The following XKR6 variants were observed in gnomAD, a reference collection of about 807,000 sequenced individuals.
XKR6 encodes the protein XK-related protein 6.
In XKR6, 22 loss-of-function variants were observed where a neutral mutation model predicts 56.7. The observed-to-expected ratio is 0.39, with a 90% CI of 0.28 to 0.55. XKR6 has a LOEUF of 0.55. Among genes scored for constraint, XKR6 ranks in the 20% least tolerant of loss-of-function variants. The probability of loss-of-function intolerance (pLI) is 0.66; values close to 1 mark genes in which losing one functional copy is unlikely to be tolerated. For synonymous variants in XKR6, 524 were observed against 387.8 expected (o/e 1.35, Z -4.13); for missense variants, 852 against 889.0 (o/e 0.96, Z 0.53).
intron 1 of XKR6, among the ~76,000 whole-genome samples, chr8:10,931,826 TA>T (rs34392692): frequency 1.0e-4 from 13 of 125,126 alleles, no homozygotes; most frequent in African/African-American, 2.4e-4. Context: ...GCATGATCCA[TA>T]AAAAAAACAA....
chr8:10,922,365 A>G (rs1169915425), intron 2 of XKR6, among the ~76,000 whole-genome samples: 1 of 152,178 alleles, frequency 6.6e-6, no homozygotes, highest in Non-Finnish European at 1.5e-5. Context: ...GGCAGGTTGG[A>G]TATGGAGGCC....
chr8:10,975,950 A>G (rs1015728559), intron 1 of XKR6, among the ~76,000 whole-genome samples: 4 of 152,322 alleles, frequency 2.6e-5, no homozygotes, highest in Admixed American at 2.0e-4. Flanking sequence ...CGAGACGGGC[A>G]GATCACGAGA....
At chr8:11,020,158 C>A (rs1276362211) in intron 1 of XKR6, among the ~76,000 whole-genome samples, 3 of 151,444 alleles carry the variant, frequency 2.0e-5, no homozygotes, top group Non-Finnish European at 1.5e-5. Flanking sequence ...TGGGGACTTA[C>A]AGGGCAGGCA....
At chr8:10,978,767 G>C (rs906229438) in intron 1 of XKR6, among the ~76,000 whole-genome samples, 17 of 152,240 alleles carry the variant, frequency 1.1e-4, no homozygotes, top group Middle Eastern at 3.4e-3. Context: ...CTGGCCAGGG[G>C]CAGCCAGACA....
intron 1 of XKR6, 121 bp from the exon 2 acceptor site, chr8:10,924,951 T>G: frequency 2.7e-6 from 3 of 1,098,340 alleles, no homozygotes; most frequent in Non-Finnish European, 3.8e-6. Context: ...TGCTCTGAAG[T>G]TCCCAGAGGC....
chr8:11,059,206 GC>G (rs1799763598), intron 1 of XKR6, among the ~76,000 whole-genome samples: 1 of 152,228 alleles, frequency 6.6e-6, no homozygotes, highest in South Asian at 2.1e-4. Context: ...CTCTGCCCCT[GC>G]GCTCCCCAAG....
chr8:10,949,873 T>G, intron 1 of XKR6, among the ~76,000 whole-genome samples: 1 of 152,140 alleles, frequency 6.6e-6, no homozygotes, highest in East Asian at 1.9e-4. Flanking sequence ...AAGAGCCCAC[T>G]TCCACAGGCC....
chr8:11,092,750 C>G (rs755640115), intron 1 of XKR6, among the ~76,000 whole-genome samples: 2 of 152,204 alleles, frequency 1.3e-5, no homozygotes, highest in African/African-American at 2.4e-5. Flanking sequence ...GAAAAGAACT[C>G]AGAATCCCTT....
intron 1 of XKR6, among the ~76,000 whole-genome samples, chr8:10,941,299 T>C (rs977687723): frequency 2.0e-5 from 3 of 152,102 alleles, no homozygotes; most frequent in African/African-American, 2.4e-5. Flanking sequence ...GAGGGGACGG[T>C]GTCACAACCA....
intron 1 of XKR6, among the ~76,000 whole-genome samples, chr8:11,004,908 C>T (rs949282923): frequency 1.3e-5 from 2 of 152,094 alleles, no homozygotes; most frequent in Non-Finnish European, 2.9e-5. Context: ...ACCTTGCAGA[C>T]CTTATGCTAA....
Position 10,898,950 on chromosome 8 carries a change from C to T in XKR6, c.962-34G>A. The T allele has an allele frequency of 2.6e-6, 4 of 1,556,782 alleles. No individual in the cohort carries two copies. Among genetic ancestry groups the T allele is most frequent in the Non-Finnish European group, 8.7e-7 (1 of 1,155,986 alleles). ...AAGACACAAACCCACACAGTCAAAA[C>T]CTTGGACATCAACCGCAGGGCACAG... On this transcript the variant is annotated intron_variant, in intron 2 of 2. Transcript: ENST00000416569. The surrounding 1 kb of genome is among the most constrained non-coding windows in gnomAD (Gnocchi z 6.6).
intron 1 of XKR6, among the ~76,000 whole-genome samples, chr8:10,955,397 C>T (rs183755674): frequency 6.6e-6 from 1 of 151,636 alleles, no homozygotes; most frequent in Non-Finnish European, 1.5e-5. Context: ...TCCAGGCTAG[C>T]CTTGAACTTT....
At chr8:11,069,474 G>A (rs533233105) in intron 1 of XKR6, among the ~76,000 whole-genome samples, 1 of 152,266 alleles carries the variant, frequency 6.6e-6, no homozygotes, top group African/African-American at 2.4e-5. Context: ...ACAGGCTTCA[G>A]CTCACATGGC....
intron 1 of XKR6, among the ~76,000 whole-genome samples, chr8:11,098,418 GTC>G (rs1442246008): frequency 6.6e-6 from 1 of 152,176 alleles, no homozygotes; most frequent in African/African-American, 2.4e-5. Flanking sequence ...ATTTTTAGCA[GTC>G]TCGAGTTTTT....
intron 1 of XKR6, among the ~76,000 whole-genome samples, chr8:10,942,928 A>G (rs1324403123): frequency 6.6e-6 from 1 of 152,098 alleles, no homozygotes; most frequent in Non-Finnish European, 1.5e-5. Flanking sequence ...TGTCCTTTCC[A>G]TGTCTGACCA....
chr8:10,958,543 C>T (rs1260236169), intron 1 of XKR6, among the ~76,000 whole-genome samples: 1 of 152,166 alleles, frequency 6.6e-6, no homozygotes, highest in African/African-American at 2.4e-5. Context: ...TCACCCGAGA[C>T]ATGGCATGCC....
At chr8:10,991,514 G>A (rs1563332375) in intron 1 of XKR6, among the ~76,000 whole-genome samples, 1 of 152,178 alleles carries the variant, frequency 6.6e-6, no homozygotes, top group Admixed American at 6.5e-5. Flanking sequence ...AACACGATGA[G>A]TCTATCTTTT....
chr8:10,970,009 C>T (rs1212623019), intron 1 of XKR6, among the ~76,000 whole-genome samples: 1 of 152,222 alleles, frequency 6.6e-6, no homozygotes, highest in East Asian at 1.9e-4. Context: ...TCACCCTGCT[C>T]AGGTGATAAG....
intron 1 of XKR6, among the ~76,000 whole-genome samples, chr8:11,027,464 C>G (rs2129150603): frequency 6.6e-6 from 1 of 152,298 alleles, no homozygotes; most frequent in South Asian, 2.1e-4. Flanking sequence ...TTGGCCAATG[C>G]AGATCTAGAG....
Sources: gnomAD v4.1 joint callset for allele counts (sites outside exome capture counted in the v4.1 genomes callset) on GRCh38, gnomAD v4.1.1 for gene constraint, Gnocchi (gnomAD v3.1) non-coding constraint, MANE v1.5 for transcripts, NCBI Gene and HGNC (gene_info 2026-07-23, HGNC 2026-07-21) for gene names.